Variants in SPAG16 observed in about 807,000 individuals in gnomAD.
SPAG16 encodes the protein sperm associated antigen 16.
In SPAG16, 86 loss-of-function variants were observed where a neutral mutation model predicts 80.4. The ratio of observed to expected loss-of-function variants is 1.07; its 90% confidence interval spans 0.90 to 1.28. The LOEUF is 1.28. Among genes scored for constraint, SPAG16 ranks in the 50% most tolerant of loss-of-function variants. The pLI is 0.00. For synonymous variants in SPAG16, 294 were observed against 265.9 expected (o/e 1.11, Z -1.03); for missense variants, 870 against 765.3 (o/e 1.14, Z -1.61).
chr2:214,194,261 A>G (rs981829234), intron 15 of SPAG16, among the ~76,000 whole-genome samples: 2 of 152,058 alleles, frequency 1.3e-5, no homozygotes, highest in African/African-American at 2.4e-5. Context: ...GATCTCCAAA[A>G]TCTACTATAG....
rs111664006 is a variant in SPAG16 at position 214,338,995 on chromosome 2, A to G, written c.1721-71145A>G. Among the ~76,000 whole-genome samples the G allele has an allele frequency of 6.0e-4, 92 of 152,324 alleles. 1 individual carries two copies. In the Middle Eastern group the frequency reaches 0.01, roughly 17 times the overall value. On this transcript the variant is annotated intron_variant, in intron 15 of 15. Transcript: ENST00000331683. Reference sequence around the variant, plus strand: ...TTCATTTTTGATATTTATAAATGATATTTCTGCCAACAGAAAGCATTTTTG... The same window carrying G: ...TTCATTTTTGATATTTATAAATGATGTTTCTGCCAACAGAAAGCATTTTTG...
rs1273292329 is a variant in SPAG16, at chr2:214,317,748, GA to G, written c.1721-92387del. The stretch of plus-strand genomic sequence containing the variant: ...GCATTAGACACAACCATGGGCAGGG[GA>G]AAAAGTGGCTAATGCCTGCCTGTGG... On this transcript the variant is annotated intron_variant, in intron 15 of 15. Coordinates refer to ENST00000331683, the MANE Select transcript of SPAG16 (RefSeq NM_024532.5). 2.6e-5 allele frequency among the ~76,000 whole-genome samples: 4 copies of G among 152,232 alleles called. No individual in the cohort carries two copies. The South Asian group carries it at 6.2e-4, about 24-fold the overall frequency.
intron 10 of SPAG16, among the ~76,000 whole-genome samples, chr2:213,514,489 T>C (rs1005916550): frequency 6.6e-6 from 1 of 152,186 alleles, no homozygotes; most frequent in Admixed American, 6.5e-5. Context: ...TATTATACTT[T>C]AAGTTTTAGG....
chr2:214,137,710 G>A (rs1025212392), intron 14 of SPAG16, among the ~76,000 whole-genome samples: 1 of 152,058 alleles, frequency 6.6e-6, no homozygotes, highest in Admixed American at 6.6e-5. Flanking sequence ...GGTAATTTTA[G>A]GGAAGTGACT....
intron 13 of SPAG16, among the ~76,000 whole-genome samples, chr2:214,074,740 A>C (rs1480551748): frequency 6.6e-6 from 1 of 152,180 alleles, no homozygotes; most frequent in Admixed American, 6.5e-5. Context: ...TTTGAACAGT[A>C]CATATACAAA....
intron 10 of SPAG16, among the ~76,000 whole-genome samples, chr2:213,637,749 T>C (rs1169308103): frequency 6.6e-6 from 1 of 152,154 alleles, no homozygotes; most frequent in Non-Finnish European, 1.5e-5. Context: ...ATAGTAGCCT[T>C]GAATGACCTT....
intron 9 of SPAG16, among the ~76,000 whole-genome samples, chr2:213,425,321 A>G: frequency 6.6e-6 from 1 of 151,768 alleles, no homozygotes; most frequent in Non-Finnish European, 1.5e-5. Context: ...CTCCGTCTCC[A>G]AAAAAAGAAT....
chr2:213,708,537 T>A (rs1352905987), intron 10 of SPAG16, among the ~76,000 whole-genome samples: 1 of 152,146 alleles, frequency 6.6e-6, no homozygotes, highest in Non-Finnish European at 1.5e-5. Context: ...CTCACGCCTG[T>A]AATCCCAGCA....
chr2:213,980,572 G>C (rs1443887352), intron 12 of SPAG16, among the ~76,000 whole-genome samples: 3 of 106,856 alleles, frequency 2.8e-5, no homozygotes, highest in African/African-American at 9.3e-5. Context: ...TATATATAGA[G>C]AGTATATGTA....
intron 4 of SPAG16, among the ~76,000 whole-genome samples, chr2:213,315,619 G>T (rs2063368507): frequency 6.6e-6 from 1 of 151,732 alleles, no homozygotes. Context: ...AAAAAAGTTT[G>T]TTGCCACTTC....
rs202147491 is a variant in SPAG16 at position 213,862,593 on chromosome 2, C to T, written c.1179C>T (p.His393=). 9.7e-5 allele frequency: 156 copies of T among 1,614,138 alleles called. No homozygotes were observed. The South Asian group carries it at 1.4e-3, about 15-fold the overall frequency. Residue 393 remains histidine, a synonymous_variant, in exon 11 of 16, where the codon CAC becomes CAT. Transcript: ENST00000331683. ...ATGTGCTTCTCACGGGATTTGGCCA[C>T]ACTGACTGGCTTTCAGACTGCTGCT... ...KCNVLLTGFG[H]TDWLSDCCFH... is the part of the protein sequence containing the mutation.
rs375805988 is a variant in SPAG16, at chr2:213,770,233, T to C, written c.1071-92252T>C. ...AACTTTCTTGTACAAGGTTTTGTGA[T>C]GATTTATTTTTTTCTTATTTTTTTG... is the stretch of plus-strand genomic sequence containing the variant. On this transcript the variant is annotated intron_variant, in intron 10 of 15. Coordinates refer to ENST00000331683, the MANE Select transcript of SPAG16 (RefSeq NM_024532.5). Among the ~76,000 whole-genome samples, 11 of 152,272 alleles carry C rather than the reference T, an allele frequency of 7.2e-5. No homozygotes were observed. The South Asian group carries it at 2.3e-3, about 32-fold the overall frequency.
At chr2:213,857,512 T>C (rs746955149) in intron 10 of SPAG16, among the ~76,000 whole-genome samples, 1 of 152,068 alleles carries the variant, frequency 6.6e-6, no homozygotes, top group Non-Finnish European at 1.5e-5. Context: ...TACAACATGG[T>C]TTAATGAATA....
chr2:214,288,596 T>G (rs1693556774), intron 15 of SPAG16, among the ~76,000 whole-genome samples: 1 of 152,116 alleles, frequency 6.6e-6, no homozygotes, highest in South Asian at 2.1e-4. Flanking sequence ...CTATTAAATT[T>G]TTTTTGTCTT....
intron 15 of SPAG16, among the ~76,000 whole-genome samples, chr2:214,316,700 G>A (rs1695720567): frequency 6.6e-6 from 1 of 151,972 alleles, no homozygotes; most frequent in Non-Finnish European, 1.5e-5. Context: ...AAATAAATAA[G>A]CGTAGTTTTC....
intron 15 of SPAG16, among the ~76,000 whole-genome samples, chr2:214,180,281 A>G (rs2057269823): frequency 6.6e-6 from 1 of 151,578 alleles, no homozygotes; most frequent in South Asian, 2.1e-4. Flanking sequence ...TGCATATTTC[A>G]TGGTATTTAG....
intron 15 of SPAG16, among the ~76,000 whole-genome samples, chr2:214,271,627 C>G (rs949338875): frequency 6.6e-6 from 1 of 152,112 alleles, no homozygotes; most frequent in African/African-American, 2.4e-5. Context: ...ATGGAAAACC[C>G]TGTCTCTACT....
At chr2:213,778,434 A>C (rs977888754) in intron 10 of SPAG16, among the ~76,000 whole-genome samples, 2 of 152,122 alleles carry the variant, frequency 1.3e-5, no homozygotes, top group African/African-American at 2.4e-5. Context: ...TAGGGGCAAA[A>C]ATTTTTATAC....
intron 6 of SPAG16, among the ~76,000 whole-genome samples, chr2:213,344,874 A>G (rs2064886957): frequency 1.3e-5 from 2 of 152,234 alleles, no homozygotes; most frequent in Non-Finnish European, 2.9e-5. Flanking sequence ...AGCATGATTT[A>G]TAATCCTTTG....
Sources: allele counts gnomAD v4.1 joint callset (sites outside exome capture counted in the v4.1 genomes callset), GRCh38; gene constraint gnomAD v4.1.1; transcripts MANE v1.5; gene names NCBI Gene and HGNC (gene_info 2026-07-23, HGNC 2026-07-21).